The following NUMA1 variants were observed in gnomAD, a reference collection of about 807,000 sequenced individuals.
The protein encoded by NUMA1 is nuclear mitotic apparatus protein 1.
A neutral mutation model predicts 237.1 loss-of-function variants in NUMA1; 62 were observed. The observed-to-expected ratio is 0.26, with a 90% confidence interval of 0.21 to 0.32. The LOEUF (loss-of-function observed/expected upper bound fraction) is 0.32, where lower values mean the gene tolerates loss of function less well. NUMA1 is among the 10% of genes least tolerant of loss of function. The pLI is 1.00. For missense variants in NUMA1, 2,533 were observed against 2,666.5 expected, an observed-to-expected ratio of 0.95 and a Z score of 1.10; for synonymous variants, 1,028 against 1,066.1, an observed-to-expected ratio of 0.96 and a Z score of 0.70.
chr11:72,004,912 A>G, intron 23 of NUMA1, 96 bp from the exon 24 acceptor site: 1 of 1,240,398 alleles, frequency 8.1e-7, no homozygotes, highest in Non-Finnish European at 1.1e-6. Flanking sequence ...CCCGACACTT[A>G]TGGTCGGGAC....
intron 10 of NUMA1, 48 bp downstream of exon 10, chr11:72,018,775 C>A: frequency 6.3e-7 from 1 of 1,584,104 alleles, no homozygotes; most frequent in Non-Finnish European, 8.6e-7. Context: ...CAGGGGACAT[C>A]CTTCCGGCAA....
chr11:72,011,879 G>C (rs1052512356), intron 16 of NUMA1, among the ~76,000 whole-genome samples: 1 of 152,096 alleles, frequency 6.6e-6, no homozygotes, highest in African/African-American at 2.4e-5. Context: ...TGTGCTCGGG[G>C]TTAGAGCCCC....
chr11:72,049,662 A>T (rs1942233059), intron 2 of NUMA1: 1 of 143,984 alleles, frequency 6.9e-6, no homozygotes, highest in Admixed American at 7.1e-5. Context: ...ATATATATCA[A>T]AAAAAGAAAA....
chr11:72,060,519 T>G (rs376795318), intron 2 of NUMA1, among the ~76,000 whole-genome samples: 167 of 152,290 alleles, frequency 1.1e-3, no homozygotes, highest in Non-Finnish European at 2.1e-3. Context: ...GGCATGCACC[T>G]GTAATCCCAG....
chr11:72,019,403 G>A (rs1938409468), intron 9 of NUMA1, 91 bp downstream of exon 9: 20 of 1,522,438 alleles, frequency 1.3e-5, no homozygotes, highest in Non-Finnish European at 1.8e-5. Flanking sequence ...CACTCCCAGA[G>A]GCTGGTTAAC....
At chr11:72,052,737 C>T (rs1024067529) in intron 2 of NUMA1, among the ~76,000 whole-genome samples, 1 of 151,794 alleles carries the variant, frequency 6.6e-6, no homozygotes, top group Non-Finnish European at 1.5e-5. Context: ...GCACTCCAGT[C>T]TGGTGTGCTC....
intron 26 of NUMA1, 22 bp from the exon 27 acceptor site, chr11:72,003,560 G>A: frequency 1.9e-6 from 3 of 1,614,096 alleles, no homozygotes; most frequent in Non-Finnish European, 1.7e-6. Flanking sequence ...ACAGTCACAT[G>A]GCCAGATGAG....
At chr11:72,051,002 C>T (rs1384808136) in intron 2 of NUMA1, among the ~76,000 whole-genome samples, 4 of 151,942 alleles carry the variant, frequency 2.6e-5, no homozygotes, top group Non-Finnish European at 5.9e-5. Flanking sequence ...ATCCTCCCGC[C>T]TCAGCCTTAC....
Position 72,014,051 on chromosome 11 carries a change from T to G in NUMA1, c.3452A>C (p.Glu1151Ala). 6.2e-7 allele frequency: 1 copy of G among 1,610,996 alleles called. No homozygotes were observed. The highest frequency in any genetic ancestry group is 1.1e-5 in the South Asian group (1 of 91,082). The change falls in exon 15 of 27, where the codon GAG becomes GCG. Residue 1151 changes from glutamate (E) to alanine (A), a missense_variant. Around this residue, in one of 3 missense-constraint regions of NUMA1, gnomAD observed 1,414 missense variants for 1,508.1 expected, o/e 0.94. Transcript: ENST00000393695. This position sits in a 1 kb window ranked among gnomAD's most constrained non-coding sequence, Gnocchi z 4.6. ...CTCAGCCCGGGAGGCCCGCTCAGCC[T>G]CGAGGCTGCGTTCCAGGCTGTCAGC... ...EQADSLERSL[E>A]AERASRAERD...
rs1371723735 is a variant in NUMA1, at chr11:72,012,938, T to C, written c.4565A>G (p.Glu1522Gly). The change falls in exon 15 of 27, where the codon GAG becomes GGG. Residue 1522 changes from glutamate (E) to glycine (G), a missense_variant. Coordinates refer to ENST00000393695, the MANE Select transcript of NUMA1 (RefSeq NM_006185.4). ...YEGAKVKVLE[E>G]RQRFQEERQK... Reference sequence around the variant, plus strand: ...CCTCTCTTCCTGGAACCGCTGCCTCTCCTCCAGGACCTTGACCTTGGCACC... The same window carrying C: ...CCTCTCTTCCTGGAACCGCTGCCTCCCCTCCAGGACCTTGACCTTGGCACC... 23 of 1,614,030 alleles carry C rather than the reference T, an allele frequency of 1.4e-5. No homozygotes were observed. The highest frequency in any genetic ancestry group is 1.9e-5 in the Non-Finnish European group (22 of 1,180,026).
chr11:72,009,250 T>A lies in NUMA1; in HGVS notation c.4839+18A>T. 1 of 1,608,768 alleles carries A rather than the reference T, an allele frequency of 6.2e-7. No individual in the cohort carries two copies. Among genetic ancestry groups the A allele is most frequent in the East Asian group, 2.2e-5 (1 of 44,756 alleles). On this transcript the variant is annotated intron_variant, in intron 18 of 26. Coordinates refer to ENST00000393695, the MANE Select transcript of NUMA1 (RefSeq NM_006185.4). ...AGGGCAGGAGGAAGGTGGCATGGGC[T>A]GGGGCTGGGCTCCTTACCTGCAGCT...
At chr11:72,016,696 G>A (rs775050558) in intron 13 of NUMA1, 166 bp from the exon 14 acceptor site, 4 of 765,522 alleles carry the variant, frequency 5.2e-6, no homozygotes, top group South Asian at 1.8e-5. Flanking sequence ...GGAGCATGAG[G>A]GACCTGATTC....
intron 1 of NUMA1, among the ~76,000 whole-genome samples, chr11:72,076,377 C>CA (rs1352845722): frequency 6.6e-6 from 1 of 151,334 alleles, no homozygotes; most frequent in South Asian, 2.1e-4. Context: ...GATCCTATCT[C>CA]AAAAAATAAA....
intron 1 of NUMA1, among the ~76,000 whole-genome samples, chr11:72,072,825 C>T (rs545213003): frequency 1.3e-5 from 2 of 151,976 alleles, no homozygotes; most frequent in African/African-American, 2.4e-5. Flanking sequence ...GAGGCCAAGG[C>T]GGGCGGATCA....
At chr11:72,075,582 G>A (rs1002028853) in intron 1 of NUMA1, among the ~76,000 whole-genome samples, 2 of 152,172 alleles carry the variant, frequency 1.3e-5, no homozygotes, top group African/African-American at 4.8e-5. Flanking sequence ...AGACTTCTAG[G>A]TTCTGGTAGC....
At chr11:72,055,406 G>T (rs1230769380) in intron 2 of NUMA1, among the ~76,000 whole-genome samples, 1 of 152,042 alleles carries the variant, frequency 6.6e-6, no homozygotes. Flanking sequence ...ATGTAACCAC[G>T]GTTTTCTGGC....
intron 3 of NUMA1, among the ~76,000 whole-genome samples, chr11:72,031,452 C>A (rs902031399): frequency 2.0e-5 from 3 of 152,138 alleles, no homozygotes; most frequent in African/African-American, 7.2e-5. Context: ...TCAATGATTT[C>A]TCTACAGACA....
chr11:72,049,560 A>AATAATATAT (rs1555034473), intron 2 of NUMA1: 4 of 41,016 alleles, frequency 9.8e-5, no homozygotes, highest in African/African-American at 3.4e-4. Context: ...AAATAATAAT[A>AATAATATAT]ATATATATAT....
In NUMA1 at chr11:72,014,925, C is replaced by T; in HGVS notation, c.2578G>A (p.Glu860Lys). The T allele has an allele frequency of 6.2e-7, 1 of 1,614,188 alleles. No individual in the cohort carries two copies. The highest frequency in any genetic ancestry group is 1.1e-5 in the South Asian group (1 of 91,082). ...QEAKEKVAGIESHSELQISRQ... is the reference protein window; with the variant it reads ...QEAKEKVAGIKSHSELQISRQ... Reference sequence around the variant, plus strand: ...CTTATCTGGAGCTCGCTGTGGGATTCTATGCCTGCCACCTTCTCCTTTGCC... The same window carrying T: ...CTTATCTGGAGCTCGCTGTGGGATTTTATGCCTGCCACCTTCTCCTTTGCC... The change falls in exon 15 of 27, where the codon GAA becomes AAA. Residue 860 changes from glutamate (E) to lysine (K), a missense_variant. Glu to Lys is a moderately conservative substitution (Grantham distance 56). This residue lies in a region of NUMA1 where 1,414 missense variants were observed against 1,508.1 expected (regional missense o/e 0.94). Coordinates refer to ENST00000393695, the MANE Select transcript of NUMA1 (RefSeq NM_006185.4). This position sits in a 1 kb window ranked among gnomAD's most constrained non-coding sequence, Gnocchi z 4.6.
Sources: gnomAD v4.1 joint callset for allele counts (sites outside exome capture counted in the v4.1 genomes callset) on GRCh38, gnomAD v4.1.1 for gene constraint, gnomAD v4.1.1 regional missense constraint, Gnocchi (gnomAD v3.1) non-coding constraint, MANE v1.5 for transcripts, NCBI Gene and HGNC (gene_info 2026-07-23, HGNC 2026-07-21) for gene names.